AHRR: variants seen among roughly 807,000 people sequenced by gnomAD.
The protein encoded by AHRR is aryl hydrocarbon receptor repressor, also known as ahR repressor.
A neutral mutation model predicts 44.0 loss-of-function variants in AHRR; 28 were observed. That is an observed-to-expected ratio of 0.64 (90% CI 0.47 to 0.87). AHRR has a LOEUF of 0.87. Among genes scored for constraint, AHRR ranks in the 40% least tolerant of loss-of-function variants. The pLI is 0.00. For synonymous variants in AHRR, 434 were observed against 407.0 expected, an observed-to-expected ratio of 1.07 and a Z score of -0.80; for missense variants, 990 against 953.9, an observed-to-expected ratio of 1.04 and a Z score of -0.50.
intron 4 of AHRR, among the ~76,000 whole-genome samples, chr5:400,189 C>A (rs924636508): frequency 1.3e-5 from 2 of 152,268 alleles, no homozygotes; most frequent in African/African-American, 2.4e-5. Flanking sequence ...CTTTTTCCCT[C>A]ATTTTCCCTC....
At chr5:369,456 G>C (rs1263740350) in intron 3 of AHRR, among the ~76,000 whole-genome samples, 1 of 152,222 alleles carries the variant, frequency 6.6e-6, no homozygotes, top group Non-Finnish European at 1.5e-5. Flanking sequence ...CATGCTCCTT[G>C]CAGATGAACA....
At chr5:367,884 G>T (rs554264595) in intron 3 of AHRR, 1 of 702,578 alleles carries the variant, frequency 1.4e-6, no homozygotes, top group East Asian at 2.7e-5. Context: ...CGTTCAGGAG[G>T]CCCCGAGCAT....
At chr5:323,848 T>C (rs1398188529) in intron 1 of AHRR, among the ~76,000 whole-genome samples, 2 of 151,870 alleles carry the variant, frequency 1.3e-5, no homozygotes, top group East Asian at 3.9e-4. Flanking sequence ...TCAACGGAGC[T>C]CCTTGCGGAG....
intron 2 of AHRR, among the ~76,000 whole-genome samples, chr5:352,876 TG>T (rs1202648958): frequency 6.8e-6 from 1 of 146,684 alleles, no homozygotes; most frequent in Non-Finnish European, 1.5e-5. Flanking sequence ...CTGTAGGGGA[TG>T]GTCACTGTGA....
rs1458803798 is a variant in AHRR at position 406,545 on chromosome 5, A to G, written c.352-6799A>G. On this transcript the variant is annotated intron_variant, in intron 4 of 10. Transcript: ENST00000684583. The surrounding 1 kb of genome is among the most constrained non-coding windows in gnomAD (Gnocchi z 4.7). ...TAGAAGGAAATTTCAGGAAAACGTT[A>G]AGAAACAGAAAATACTCAAGCTGGT... Among the ~76,000 whole-genome samples, 3 of 152,250 alleles carry G rather than the reference A, an allele frequency of 2.0e-5. No individual in the cohort carries two copies. Among genetic ancestry groups the G allele is most frequent in the African/African-American group, 7.2e-5 (3 of 41,456 alleles).
intron 5 of AHRR, chr5:420,783 C>T (rs36179100): frequency 0.37 from 55,648 of 148,464 alleles, 12,996 homozygotes; most frequent in South Asian, 0.41. Context: ...GAGACACCTC[C>T]GCGCTGCACG....
In AHRR at chr5:376,606, A is replaced by C. The variant is rs1733708624; in HGVS notation, c.245-4A>C. Reference sequence around the variant, plus strand: ...TGCCTAATGTGTCTTTTCTTCTCTGACAGTCGTGCAGGAGCAGAGCTCACG... The same window carrying C: ...TGCCTAATGTGTCTTTTCTTCTCTGCCAGTCGTGCAGGAGCAGAGCTCACG... On this transcript the variant is annotated splice_region_variant and splice_polypyrimidine_tract_variant and intron_variant, in intron 3 of 10. Coordinates refer to ENST00000684583, the MANE Select transcript of AHRR (RefSeq NM_001377236.1). 1 of 1,586,492 alleles carries C rather than the reference A, an allele frequency of 6.3e-7. No individual in the cohort carries two copies. The highest frequency in any genetic ancestry group is 1.2e-5 in the South Asian group (1 of 86,094).
At position 435,870 on chromosome 5, in the gene AHRR, G is replaced by T. The variant is rs1249960846; in HGVS notation, c.*1036G>T. On this transcript the variant is annotated 3_prime_UTR_variant, in exon 11 of 11. Coordinates refer to ENST00000684583, the MANE Select transcript of AHRR (RefSeq NM_001377236.1). ...TAAAGGCGATATTTTCTGAGAGTAG[G>T]AAATTTGGATACAAAAGCATAAGTC... 1 of 152,754 alleles carries T rather than the reference G, an allele frequency of 6.5e-6. No homozygotes were observed. The highest frequency in any genetic ancestry group is 1.5e-5 in the Non-Finnish European group (1 of 68,052). The allele number at this position is 152,754 out of a possible 1,614,324, so 9.5% of individuals were successfully genotyped here.
intron 4 of AHRR, among the ~76,000 whole-genome samples, chr5:407,596 A>C (rs1735315881): frequency 6.6e-6 from 1 of 151,988 alleles, no homozygotes; most frequent in African/African-American, 2.4e-5. Context: ...CTGGAGTGTA[A>C]TGTCACGATC....
rs187007411 is a variant in AHRR, at chr5:375,970, G to A, written c.245-640G>A. On this transcript the variant is annotated intron_variant, in intron 3 of 10. Transcript: ENST00000684583. ...GGGCTGTGCGCAGTCACTGGGAAGGGGGTAGCACTGGCGACTGTCCTGGAC... is the reference window on the plus strand; with the variant it reads ...GGGCTGTGCGCAGTCACTGGGAAGGAGGTAGCACTGGCGACTGTCCTGGAC... Among the ~76,000 whole-genome samples, 545 of 150,216 alleles carry A rather than the reference G, an allele frequency of 3.6e-3. 3 individuals carry two copies. The highest frequency in any genetic ancestry group is 5.4e-3 in the Non-Finnish European group (358 of 66,848).
intron 5 of AHRR, among the ~76,000 whole-genome samples, chr5:414,399 T>C (rs1384593212): frequency 1.3e-5 from 2 of 152,144 alleles, no homozygotes; most frequent in Non-Finnish European, 2.9e-5. Flanking sequence ...ATTTCTCCCA[T>C]TGCACGGCGA....
Position 398,164 on chromosome 5 carries a change from CCCTGACCATCCACGTAGCT to C in AHRR, c.352-15129_352-15111del, listed in dbSNP as rs879731993. 9.0e-3 allele frequency among the ~76,000 whole-genome samples: 1,175 copies of C among 129,846 alleles called. 20 individuals carry two copies. The highest frequency in any genetic ancestry group is 0.013 in the African/African-American group (365 of 28,002). The allele number at this position is 129,846 out of a possible 152,430, so 85.2% of individuals were successfully genotyped here. ...GTTAGCCCCTGACCATCCACGTAGC[CCCTGACCATCCACGTAGCT>C]CCTGACCATCCACGTAGCTCCTGAC... On this transcript the variant is annotated intron_variant, in intron 4 of 10. Transcript: ENST00000684583.
chr5:404,721 A>G lies in AHRR; in HGVS notation c.352-8623A>G, dbSNP rs1735186021. Among the ~76,000 whole-genome samples the G allele has an allele frequency of 6.6e-6, 1 of 152,222 alleles. No homozygotes were observed. Among genetic ancestry groups the G allele is most frequent in the African/African-American group, 2.4e-5 (1 of 41,452 alleles). ...ACATGAGCTAAAACTAAAGTCCCTA[A>G]GAATCCTCCAAGAAAGATTTCTTCC... On this transcript the variant is annotated intron_variant, in intron 4 of 10. Transcript: ENST00000684583. This position sits in a 1 kb window ranked among gnomAD's most constrained non-coding sequence, Gnocchi z 4.1.
intron 4 of AHRR, among the ~76,000 whole-genome samples, chr5:397,417 G>C (rs1314415656): frequency 1.0e-5 from 1 of 97,864 alleles, no homozygotes; most frequent in African/African-American, 3.5e-5. Flanking sequence ...ATCCCTGTTA[G>C]CCCCTGACCA....
intron 3 of AHRR, among the ~76,000 whole-genome samples, chr5:373,768 C>A (rs1176497824): frequency 6.6e-6 from 1 of 151,530 alleles, no homozygotes; most frequent in African/African-American, 2.4e-5. Context: ...CCGGAGCGCC[C>A]GCGCGGACCC....
At chr5:408,731 G>A (rs180684421) in intron 4 of AHRR, among the ~76,000 whole-genome samples, 76 of 152,174 alleles carry the variant, frequency 5.0e-4, no homozygotes, top group Non-Finnish European at 9.6e-4. Flanking sequence ...CACTTTCTAT[G>A]CTCTGGAACA....
rs936706469 is a variant in AHRR, at chr5:395,073, C to A, written c.352-18271C>A. On this transcript the variant is annotated intron_variant, in intron 4 of 10. Coordinates refer to ENST00000684583, the MANE Select transcript of AHRR (RefSeq NM_001377236.1). This position sits in a 1 kb window ranked among gnomAD's most constrained non-coding sequence, Gnocchi z 5.3. ...CAGGACGGGAAAGTGATTTCTCCCACCTGTATTTTGACTGTGACCCCAAAG... is the reference window on the plus strand; with the variant it reads ...CAGGACGGGAAAGTGATTTCTCCCAACTGTATTTTGACTGTGACCCCAAAG... Among the ~76,000 whole-genome samples, 32 of 152,340 alleles carry A rather than the reference C, an allele frequency of 2.1e-4. No homozygotes were observed. Among genetic ancestry groups the A allele is most frequent in the African/African-American group, 7.7e-4 (32 of 41,580 alleles).
chr5:359,385 G>A (rs550632576), intron 3 of AHRR, among the ~76,000 whole-genome samples: 4 of 110,414 alleles, frequency 3.6e-5, no homozygotes, highest in East Asian at 4.9e-4. Flanking sequence ...GAGGAAGAGC[G>A]CCCGCGAGTG....
At chr5:332,633 G>A (rs1025858219) in intron 1 of AHRR, among the ~76,000 whole-genome samples, 1 of 152,140 alleles carries the variant, frequency 6.6e-6, no homozygotes, top group Non-Finnish European at 1.5e-5. Context: ...TGAAAAGAAC[G>A]TATCTTCTGC....
Sources: gnomAD v4.1 joint callset for allele counts (sites outside exome capture counted in the v4.1 genomes callset) on GRCh38, gnomAD v4.1.1 for gene constraint, Gnocchi (gnomAD v3.1) non-coding constraint, MANE v1.5 for transcripts, NCBI Gene and HGNC (gene_info 2026-07-23, HGNC 2026-07-21) for gene names.